ATF7: variants seen among roughly 807,000 people sequenced by gnomAD.
The protein encoded by ATF7 is cyclic AMP-dependent transcription factor ATF-7.
ATF7 carries 10 observed loss-of-function variants against 50.4 expected under a neutral mutation model. The observed-to-expected ratio is 0.20, with a 90% confidence interval of 0.12 to 0.34. ATF7 has a LOEUF of 0.34. Ranked by LOEUF, ATF7 falls within the 10% of genes least tolerant of loss-of-function variation. The probability of loss-of-function intolerance (pLI) is 1.00; values close to 1 mark genes in which losing one functional copy is unlikely to be tolerated. For synonymous variants in ATF7, 201 were observed against 226.4 expected (o/e 0.89, Z 1.01); for missense variants, 465 against 613.9 (o/e 0.76, Z 2.56).
intron 4 of ATF7, among the ~76,000 whole-genome samples, chr12:53,542,319 C>T (rs112831103): frequency 0.056 from 8,510 of 151,200 alleles, 734 homozygotes; most frequent in African/African-American, 0.18. Flanking sequence ...TCCAGCTACT[C>T]GGAAAGCTGA....
At chr12:53,541,159 T>C (rs1246834374) in intron 4 of ATF7, among the ~76,000 whole-genome samples, 1 of 152,198 alleles carries the variant, frequency 6.6e-6, no homozygotes, top group Non-Finnish European at 1.5e-5. Context: ...GATGGAAAAG[T>C]CATGTATAAC....
At chr12:53,601,841 G>A (rs1943422045) in intron 1 of ATF7, among the ~76,000 whole-genome samples, 1 of 152,128 alleles carries the variant, frequency 6.6e-6, no homozygotes, top group Admixed American at 6.5e-5. Flanking sequence ...TGAAAGAAAT[G>A]GCACTAAAAG....
In ATF7 at chr12:53,537,492, C is replaced by G; in HGVS notation, c.325G>C (p.Glu109Gln). 1 of 1,613,742 alleles carries G rather than the reference C, an allele frequency of 6.2e-7. No individual in the cohort carries two copies. Among genetic ancestry groups the G allele is most frequent in the East Asian group, 2.2e-5 (1 of 44,890 alleles). Reference sequence around the variant, plus strand: ...GATGAGTCTACCTCCACTGGCTCTTCTTCTTTGATTTTGATGTCTGGTGTG... The same window carrying G: ...GATGAGTCTACCTCCACTGGCTCTTGTTCTTTGATTTTGATGTCTGGTGTG... ...PSTPDIKIKE[E>Q]EPVEVDSSPP... The change falls in exon 5 of 12, where the codon GAA becomes CAA. Residue 109 changes from glutamate to glutamine, a missense_variant. Physicochemically the swap from Glu to Gln is conservative, Grantham distance 29 (BLOSUM62 2). Transcript: ENST00000420353.
chr12:53,547,290 T>C (rs1201122506), intron 3 of ATF7, among the ~76,000 whole-genome samples: 52 of 140,802 alleles, frequency 3.7e-4, no homozygotes, highest in Non-Finnish European at 7.6e-4. Context: ...AGCCTTTTTT[T>C]TTTTTTTTTT....
At chr12:53,552,399 T>C in intron 3 of ATF7, 142 bp downstream of exon 3, 2 of 611,698 alleles carry the variant, frequency 3.3e-6, no homozygotes, top group Non-Finnish European at 5.8e-6. Flanking sequence ...GCTTTTAGTG[T>C]TCCTTTTTCC....
At chr12:53,532,733 T>C in intron 7 of ATF7, 110 bp from the exon 8 acceptor site, 1 of 740,250 alleles carries the variant, frequency 1.4e-6, no homozygotes, top group Non-Finnish European at 2.2e-6. Context: ...TCAGGGCCTG[T>C]TGTGTGCAAT....
rs143650356 is a variant in ATF7 at position 53,609,096 on chromosome 12, G to A, written c.-21-8075C>T. On this transcript the variant is annotated intron_variant, in intron 1 of 11. Coordinates refer to ENST00000420353, the MANE Select transcript of ATF7 (RefSeq NM_006856.3). The stretch of plus-strand genomic sequence containing the variant: ...GAGGTCAGAGGACAGCTTGAGGTCC[G>A]GAGTTCAAGACCAGTCTAGCCAACA... Among the ~76,000 whole-genome samples the A allele has an allele frequency of 4.9e-3, 752 of 152,088 alleles. 1 individual carries two copies. Among genetic ancestry groups the A allele is most frequent in the Admixed American group, 8.0e-3 (122 of 15,254 alleles).
intron 2 of ATF7, among the ~76,000 whole-genome samples, chr12:53,584,833 G>A (rs1005997864): frequency 7.9e-5 from 12 of 152,128 alleles, no homozygotes; most frequent in African/African-American, 2.4e-4. Context: ...TTCTGTAGAC[G>A]GCAAAACTAC....
intron 2 of ATF7, among the ~76,000 whole-genome samples, chr12:53,557,462 C>A (rs7980506): frequency 0.48 from 72,740 of 152,074 alleles, 17,535 homozygotes; most frequent in East Asian, 0.74. Flanking sequence ...TTGGCTTTTC[C>A]AAGTGTGGAG....
downstream of ATF7, among the ~76,000 whole-genome samples, chr12:53,509,641 G>T (rs559637508): frequency 9.3e-4 from 141 of 152,032 alleles, no homozygotes; most frequent in Non-Finnish European, 1.5e-3. Context: ...AAGTAGCTGG[G>T]ATTACAGGCA....
intron 1 of ATF7, among the ~76,000 whole-genome samples, chr12:53,620,118 T>C (rs892486507): frequency 6.6e-6 from 1 of 151,788 alleles, no homozygotes; most frequent in Admixed American, 6.6e-5. Context: ...TACTCCAGTC[T>C]GGGCAACAGA....
intron 4 of ATF7, among the ~76,000 whole-genome samples, chr12:53,541,027 G>A (rs1472938807): frequency 3.3e-5 from 5 of 152,096 alleles, no homozygotes; most frequent in Non-Finnish European, 4.4e-5. Flanking sequence ...ACCAGGCCTC[G>A]CGCAGCCCTC....
intron 2 of ATF7, among the ~76,000 whole-genome samples, chr12:53,554,870 G>GAAAA (rs61675595): frequency 0.048 from 3,658 of 76,004 alleles, 481 homozygotes; most frequent in African/African-American, 0.15. Context: ...CTCAAAAAAA[G>GAAAA]AAAAAAAAAA....
At chr12:53,594,712 A>C (rs1943081271) in intron 2 of ATF7, among the ~76,000 whole-genome samples, 1 of 152,076 alleles carries the variant, frequency 6.6e-6, no homozygotes, top group South Asian at 2.1e-4. Flanking sequence ...ACATGGCGAC[A>C]CCCCATTTCT....
chr12:53,621,758 C>T (rs112489592), intron 1 of ATF7, among the ~76,000 whole-genome samples: 18,425 of 141,212 alleles, frequency 0.13, 1,231 homozygotes, highest in Admixed American at 0.2. Context: ...CACTGTATTC[C>T]AGCCTGGGTG....
chr12:53,612,791 G>A lies in ATF7; in HGVS notation c.-21-11770C>T, dbSNP rs531174660. Among the ~76,000 whole-genome samples the A allele has an allele frequency of 2.6e-5, 4 of 152,314 alleles. No homozygotes were observed. In the South Asian group the frequency reaches 8.3e-4, roughly 32 times the overall value. ...GGCTGAGGTGGGCAGATCACCTGCA[G>A]CCAGGAGTTCGAGACCAGCTTGGCC... On this transcript the variant is annotated intron_variant, in intron 1 of 11. Transcript: ENST00000420353.
chr12:53,537,189 C>T (rs1939272822), intron 5 of ATF7, among the ~76,000 whole-genome samples: 1 of 151,890 alleles, frequency 6.6e-6, no homozygotes, highest in Non-Finnish European at 1.5e-5. Flanking sequence ...CCACCTCATA[C>T]TCTCAAGTAG....
intron 1 of ATF7, 41 bp from the exon 2 acceptor site, chr12:53,601,062 G>T: frequency 1.5e-6 from 2 of 1,372,764 alleles, no homozygotes; most frequent in Non-Finnish European, 2.0e-6. Context: ...TGTTAAATAT[G>T]CTGGAGCAAA....
chr12:53,556,653 T>A (rs923723358), intron 2 of ATF7, among the ~76,000 whole-genome samples: 1 of 152,192 alleles, frequency 6.6e-6, no homozygotes, highest in Non-Finnish European at 1.5e-5. Flanking sequence ...TTTTACATAG[T>A]CCTTATATTT....
Sources: gnomAD v4.1 joint callset for allele counts (sites outside exome capture counted in the v4.1 genomes callset) on GRCh38, gnomAD v4.1.1 for gene constraint, MANE v1.5 for transcripts, NCBI Gene and HGNC (gene_info 2026-07-23, HGNC 2026-07-21) for gene names.